The following KHDRBS2 variants were observed in gnomAD, a reference collection of about 807,000 sequenced individuals.
KHDRBS2 encodes the protein KH domain-containing, RNA-binding, signal transduction-associated protein 2.
A neutral mutation model predicts 44.3 loss-of-function variants in KHDRBS2; 26 were observed. That is an observed-to-expected ratio of 0.59 (90% CI 0.43 to 0.81). The LOEUF (loss-of-function observed/expected upper bound fraction) is 0.81. Among genes scored for constraint, KHDRBS2 ranks in the 40% least tolerant of loss-of-function variants. The pLI, the probability that KHDRBS2 is intolerant of heterozygous loss-of-function variation, is 0.00. For synonymous variants in KHDRBS2, 194 were observed against 151.1 expected (o/e 1.28, Z -2.08); for missense variants, 476 against 433.1 (o/e 1.10, Z -0.88).
chr6:62,272,419 G>A (rs1291833145), intron 1 of KHDRBS2, among the ~76,000 whole-genome samples: 1 of 152,138 alleles, frequency 6.6e-6, no homozygotes, highest in Non-Finnish European at 1.5e-5. Flanking sequence ...ACAGACCTAT[G>A]TAGCAGGCTG....
At chr6:62,026,599 AC>A (rs1783379576) in intron 3 of KHDRBS2, among the ~76,000 whole-genome samples, 1 of 150,924 alleles carries the variant, frequency 6.6e-6, no homozygotes, top group South Asian at 2.1e-4. Flanking sequence ...TGCTTGGTTA[AC>A]TTTTTTTTTT....
intron 1 of KHDRBS2, among the ~76,000 whole-genome samples, chr6:62,228,564 C>A (rs1585304152): frequency 1.3e-5 from 2 of 152,122 alleles, no homozygotes; most frequent in African/African-American, 2.4e-5. Context: ...TATTTCTTGT[C>A]TTCTGCTACC....
chr6:61,673,599 C>CA, the KHDRBS2 span, among the ~76,000 whole-genome samples: 3 of 137,066 alleles, frequency 2.2e-5, no homozygotes, highest in Non-Finnish European at 4.7e-5. Context: ...AATCAATGTA[C>CA]AAAAATCACA....
intron 1 of KHDRBS2, among the ~76,000 whole-genome samples, chr6:62,213,873 C>CA (rs67482871): frequency 0.014 from 575 of 41,508 alleles, 76 homozygotes; most frequent in Admixed American, 0.019. Context: ...GACTCCATCT[C>CA]AAAAAAAAAA....
intron 6 of KHDRBS2, among the ~76,000 whole-genome samples, chr6:61,851,773 T>TA (rs1795459874): frequency 6.6e-6 from 1 of 152,196 alleles, no homozygotes. Flanking sequence ...ACAGATGTGT[T>TA]AAAAAAGATA....
intron 6 of KHDRBS2, among the ~76,000 whole-genome samples, chr6:61,780,345 CA>C (rs1453193984): frequency 1.3e-5 from 2 of 151,920 alleles, no homozygotes; most frequent in African/African-American, 4.8e-5. Context: ...ACTAAAAACA[CA>C]AAAAATAGCC....
At chr6:61,829,992 AT>A (rs1791536204) in intron 6 of KHDRBS2, among the ~76,000 whole-genome samples, 1 of 152,178 alleles carries the variant, frequency 6.6e-6, no homozygotes, top group Admixed American at 6.5e-5. Flanking sequence ...GGAATTAACT[AT>A]TTACTATTCC....
the KHDRBS2 span, among the ~76,000 whole-genome samples, chr6:61,559,442 C>T: frequency 6.6e-6 from 1 of 151,818 alleles, no homozygotes; most frequent in Non-Finnish European, 1.5e-5. Context: ...AAGGTAGGAC[C>T]TACACCTACA....
chr6:61,900,196 T>A (rs115771199), intron 5 of KHDRBS2, among the ~76,000 whole-genome samples: 1 of 152,082 alleles, frequency 6.6e-6, no homozygotes, highest in Non-Finnish European at 1.5e-5. Context: ...AATTTATCTT[T>A]CTTAACTTTT....
rs566734311 is a variant in KHDRBS2, at chr6:61,961,392, AAAAG to A, written c.483+16670_483+16673del. Among the ~76,000 whole-genome samples, 308 of 151,750 alleles carry A rather than the reference AAAAG, an allele frequency of 2.0e-3. 1 individual carries two copies. Among genetic ancestry groups the A allele is most frequent in the African/African-American group, 6.8e-3 (281 of 41,402 alleles). On this transcript the variant is annotated intron_variant, in intron 4 of 8. Coordinates refer to ENST00000281156, the MANE Select transcript of KHDRBS2 (RefSeq NM_152688.4). The stretch of plus-strand genomic sequence containing the variant: ...AAAGAAGGAAAGAAGGGAAGAAAGA[AAAAG>A]AAAGAAAGAAAAGAGAAAGAAGGAA...
chr6:61,985,505 A>G, intron 3 of KHDRBS2, among the ~76,000 whole-genome samples: 1 of 152,248 alleles, frequency 6.6e-6, no homozygotes, highest in African/African-American at 2.4e-5. Context: ...CGTACGCAAA[A>G]GAAGAGGAGG....
intron 2 of KHDRBS2, among the ~76,000 whole-genome samples, chr6:62,080,970 G>T (rs1278023075): frequency 1.3e-5 from 2 of 152,026 alleles, no homozygotes; most frequent in Non-Finnish European, 2.9e-5. Context: ...GGAACGGTAA[G>T]GCTCCCCACT....
intron 2 of KHDRBS2, among the ~76,000 whole-genome samples, chr6:62,142,856 TATA>T (rs968582933): frequency 1.3e-4 from 20 of 148,998 alleles, no homozygotes; most frequent in African/African-American, 4.3e-4. Context: ...ATATATGGTT[TATA>T]ATAATATTAT....
chr6:62,146,531 C>A (rs1446925410), intron 2 of KHDRBS2, among the ~76,000 whole-genome samples: 1 of 151,556 alleles, frequency 6.6e-6, no homozygotes, highest in Non-Finnish European at 1.5e-5. Flanking sequence ...ATAGCTTTTA[C>A]ATAAGCTTCT....
At chr6:62,235,585 T>C (rs1833582740) in intron 1 of KHDRBS2, among the ~76,000 whole-genome samples, 1 of 152,138 alleles carries the variant, frequency 6.6e-6, no homozygotes, top group East Asian at 1.9e-4. Flanking sequence ...TTAAAGTCTG[T>C]CCCAGGAAGG....
intron 6 of KHDRBS2, among the ~76,000 whole-genome samples, chr6:61,771,520 A>T (rs1780903972): frequency 6.6e-6 from 1 of 152,208 alleles, no homozygotes; most frequent in Admixed American, 6.5e-5. Context: ...AGACAAAAAA[A>T]GGCAGGAGTT....
intron 4 of KHDRBS2, among the ~76,000 whole-genome samples, chr6:61,933,375 T>C (rs1054020087): frequency 1.3e-5 from 2 of 149,872 alleles, no homozygotes; most frequent in African/African-American, 4.9e-5. Context: ...ATGAGACACA[T>C]AGCTTGATTG....
At chr6:61,657,172 G>A in the KHDRBS2 span, among the ~76,000 whole-genome samples, 25 of 152,040 alleles carry the variant, frequency 1.6e-4, no homozygotes, top group South Asian at 5.0e-3. Context: ...AAAGTAAGTG[G>A]CTGTCATCAT....
chr6:61,712,806 GC>G (rs1582319500), intron 7 of KHDRBS2, among the ~76,000 whole-genome samples: 1 of 151,574 alleles, frequency 6.6e-6, no homozygotes, highest in African/African-American at 2.4e-5. Context: ...ATATGGTTGT[GC>G]CCCCCACCTA....
Sources: gnomAD v4.1 joint callset for allele counts (sites outside exome capture counted in the v4.1 genomes callset) on GRCh38, gnomAD v4.1.1 for gene constraint, MANE v1.5 for transcripts, NCBI Gene and HGNC (gene_info 2026-07-23, HGNC 2026-07-21) for gene names.